Variants in UNC13C observed in about 807,000 individuals in gnomAD.
UNC13C encodes the protein protein unc-13 homolog C.
A neutral mutation model predicts 245.4 loss-of-function variants in UNC13C; 174 were observed. That is an observed-to-expected ratio of 0.71 (90% CI 0.63 to 0.80). UNC13C has a LOEUF of 0.80. UNC13C is among the 30% of genes least tolerant of loss of function. The pLI is 0.00. For synonymous variants in UNC13C, 992 were observed against 895.1 expected (o/e 1.11, Z -1.93); for missense variants, 2,829 against 2,602.9 (o/e 1.09, Z -1.89).
At chr15:54,215,438 A>T (rs192169366) in intron 4 of UNC13C, among the ~76,000 whole-genome samples, 2 of 152,104 alleles carry the variant, frequency 1.3e-5, no homozygotes, top group East Asian at 3.9e-4. Flanking sequence ...AAAAAATGGC[A>T]TTAGCTTTAA....
At chr15:54,287,177 CAT>C (rs1343799605) in intron 10 of UNC13C, among the ~76,000 whole-genome samples, 2 of 152,146 alleles carry the variant, frequency 1.3e-5, no homozygotes, top group Non-Finnish European at 2.9e-5. Flanking sequence ...CACTATTACA[CAT>C]GATAGATTTT....
intron 22 of UNC13C, among the ~76,000 whole-genome samples, chr15:54,503,658 TC>T (rs1403533532): frequency 6.6e-6 from 1 of 152,108 alleles, no homozygotes; most frequent in Non-Finnish European, 1.5e-5. Context: ...GGTCCCAAAC[TC>T]ATTATCAGCA....
rs1354416178 is a variant in UNC13C at position 53,978,571 on chromosome 15, T to A, written c.-613T>A. Among the ~76,000 whole-genome samples, 1 of 152,128 alleles carries A rather than the reference T, an allele frequency of 6.6e-6. No homozygotes were observed. The highest frequency in any genetic ancestry group is 6.5e-5 in the Admixed American group (1 of 15,284). On this transcript the variant is annotated 5_prime_UTR_variant, in exon 1 of 33. Coordinates refer to ENST00000260323, the MANE Select transcript of UNC13C (RefSeq NM_001080534.3). ...ACGGGAGAGATCCCATTTTGCTTTC[T>A]GGGAGAAAGAGATGAGAAATGAGCC...
At chr15:54,366,558 G>T (rs572220548) in intron 17 of UNC13C, among the ~76,000 whole-genome samples, 3 of 151,792 alleles carry the variant, frequency 2.0e-5, no homozygotes, top group East Asian at 1.9e-4. Flanking sequence ...TGATATCTTA[G>T]GTTTACAAGG....
At chr15:54,444,887 A>G (rs1171572779) in intron 19 of UNC13C, among the ~76,000 whole-genome samples, 4 of 151,864 alleles carry the variant, frequency 2.6e-5, no homozygotes, top group Non-Finnish European at 5.9e-5. Context: ...ACATATGTAT[A>G]CATGTGCCGT....
chr15:54,600,768 A>G (rs1670719558), intron 30 of UNC13C, among the ~76,000 whole-genome samples: 1 of 152,114 alleles, frequency 6.6e-6, no homozygotes, highest in African/African-American at 2.4e-5. Flanking sequence ...TAGATCATTT[A>G]TTCATTCATA....
At chr15:54,227,104 A>G (rs1332367201) in intron 4 of UNC13C, among the ~76,000 whole-genome samples, 1 of 152,152 alleles carries the variant, frequency 6.6e-6, no homozygotes, top group African/African-American at 2.4e-5. Flanking sequence ...AGCAGAGAAG[A>G]GCTTCGTGGA....
intron 1 of UNC13C, among the ~76,000 whole-genome samples, chr15:54,004,590 T>G (rs1047158127): frequency 3.9e-5 from 6 of 152,356 alleles, no homozygotes; most frequent in South Asian, 2.1e-4. Flanking sequence ...CTTCAAACTG[T>G]TCTCCATAGT....
chr15:54,449,002 T>C (rs1037387942), intron 19 of UNC13C, among the ~76,000 whole-genome samples: 58 of 152,328 alleles, frequency 3.8e-4, no homozygotes, highest in African/African-American at 1.3e-3. Flanking sequence ...TTTGCTTGTC[T>C]GTAAAGGATT....
chr15:54,175,196 T>C (rs956975428), intron 4 of UNC13C, among the ~76,000 whole-genome samples: 2 of 152,206 alleles, frequency 1.3e-5, no homozygotes, highest in Non-Finnish European at 2.9e-5. Context: ...GCCCTAAATC[T>C]TATCTCTCCA....
chr15:53,963,614 G>C, the UNC13C span, among the ~76,000 whole-genome samples: 1 of 152,260 alleles, frequency 6.6e-6, no homozygotes, highest in Non-Finnish European at 1.5e-5. Flanking sequence ...TACAAATCCT[G>C]GGAAACAGTA....
intron 4 of UNC13C, among the ~76,000 whole-genome samples, chr15:54,173,024 G>C (rs1465925199): frequency 6.6e-6 from 1 of 151,636 alleles, no homozygotes; most frequent in Non-Finnish European, 1.5e-5. Context: ...TGGCACTTCT[G>C]TTGAGAATGA....
chr15:54,615,865 A>G (rs989057596), intron 30 of UNC13C, among the ~76,000 whole-genome samples: 1 of 152,058 alleles, frequency 6.6e-6, no homozygotes, highest in African/African-American at 2.4e-5. Flanking sequence ...GAAAGAATCC[A>G]GAACTGAAAA....
chr15:54,623,042 C>T (rs987634071), intron 31 of UNC13C, among the ~76,000 whole-genome samples: 9 of 152,040 alleles, frequency 5.9e-5, no homozygotes, highest in African/African-American at 2.2e-4. Context: ...AGATTATATA[C>T]AGTAGTATAT....
chr15:54,217,577 C>T (rs1292794028), intron 4 of UNC13C, among the ~76,000 whole-genome samples: 4 of 151,908 alleles, frequency 2.6e-5, no homozygotes, highest in Admixed American at 2.0e-4. Flanking sequence ...GGCCAGCACA[C>T]ATTCAATCAA....
the UNC13C span, among the ~76,000 whole-genome samples, chr15:53,887,332 C>T: frequency 6.6e-6 from 1 of 151,948 alleles, no homozygotes; most frequent in African/African-American, 2.4e-5. Context: ...TATGTTTATT[C>T]TTTTTATTCT....
chr15:54,609,472 C>G (rs1899957839), intron 30 of UNC13C: 1 of 152,068 alleles, frequency 6.6e-6, no homozygotes, highest in African/African-American at 2.4e-5. Flanking sequence ...AGGGAAACCA[C>G]AGGGTTTTAA....
At chr15:54,476,875 T>C (rs1010156704) in intron 19 of UNC13C, among the ~76,000 whole-genome samples, 19 of 151,392 alleles carry the variant, frequency 1.3e-4, no homozygotes, top group Admixed American at 3.3e-4. Context: ...GGGGATGGCA[T>C]TGAATCTATA....
chr15:54,356,637 G>C (rs936036711), intron 17 of UNC13C, among the ~76,000 whole-genome samples: 1 of 152,082 alleles, frequency 6.6e-6, no homozygotes, highest in Non-Finnish European at 1.5e-5. Context: ...TAGGGCCCAG[G>C]TCTCATTCAT....
Sources: allele counts gnomAD v4.1 joint callset (sites outside exome capture counted in the v4.1 genomes callset), GRCh38; gene constraint gnomAD v4.1.1; transcripts MANE v1.5; gene names NCBI Gene and HGNC (gene_info 2026-07-23, HGNC 2026-07-21).